GSTCD: variants seen among roughly 807,000 people sequenced by gnomAD.
The protein encoded by GSTCD is glutathione S-transferase C-terminal domain containing.
GSTCD carries 44 observed loss-of-function variants against 68.3 expected under a neutral mutation model. The observed-to-expected ratio is 0.64, with a 90% confidence interval of 0.51 to 0.83. GSTCD has a LOEUF of 0.83. GSTCD is among the 40% of genes least tolerant of loss of function. The pLI, the probability that GSTCD is intolerant of heterozygous loss-of-function variation, is 0.00. For missense variants in GSTCD, 739 were observed against 735.9 expected, an observed-to-expected ratio of 1.00 and a Z score of -0.05; for synonymous variants, 273 against 255.2, an observed-to-expected ratio of 1.07 and a Z score of -0.67.
At chr4:105,743,012 C>T (rs1224972637) in intron 5 of GSTCD, among the ~76,000 whole-genome samples, 3 of 146,960 alleles carry the variant, frequency 2.0e-5, no homozygotes, top group Admixed American at 1.4e-4. Context: ...TGCAGTGCCG[C>T]GATCTCAGCT....
intron 5 of GSTCD, among the ~76,000 whole-genome samples, chr4:105,799,606 T>A (rs553404972): frequency 6.6e-6 from 1 of 152,224 alleles, no homozygotes; most frequent in East Asian, 1.9e-4. Context: ...ATTTATTGAT[T>A]AAGTTTGTTG....
chr4:105,709,074 T>A (rs1487825702), intron 1 of GSTCD, 58 bp downstream of exon 1: 1 of 152,404 alleles, frequency 6.6e-6, no homozygotes, highest in East Asian at 1.9e-4. Flanking sequence ...TAAGAACTGG[T>A]CTTTTCTTCG....
chr4:105,822,976 T>C lies in GSTCD; in HGVS notation c.1263T>C (p.Ala421=). The change falls in exon 6 of 12, where the codon GCT becomes GCC. Residue 421 remains alanine, a synonymous_variant. Coordinates refer to ENST00000515279, the MANE Select transcript of GSTCD (RefSeq NM_001370181.1). ...CAGGTAAAATGTCCAGTGATCGAGC[T>C]TTGAGGAAGCAGCAACAGTTGAACA... ...PKEGKMSSDR[A]LRKQQQLNNL... The C allele has an allele frequency of 6.2e-7, 1 of 1,613,400 alleles. No individual in the cohort carries two copies. The highest frequency in any genetic ancestry group is 2.2e-5 in the East Asian group (1 of 44,864).
intron 8 of GSTCD, among the ~76,000 whole-genome samples, chr4:105,830,403 TA>T (rs1188662149): frequency 3.3e-5 from 5 of 151,760 alleles, no homozygotes; most frequent in Admixed American, 2.6e-4. Context: ...ATCAGTCTAG[TA>T]AAAAAAAGTA....
At chr4:105,719,002 TAAAG>T in intron 2 of GSTCD, 54 bp from the exon 3 acceptor site, 2 of 1,328,478 alleles carry the variant, frequency 1.5e-6, no homozygotes, top group Admixed American at 2.2e-5. Context: ...TTATTTTTTC[TAAAG>T]TTATATTGAA....
rs989405650 is a variant in GSTCD at position 105,743,094 on chromosome 4, C to T, written c.1240+13595C>T. Among the ~76,000 whole-genome samples the T allele has an allele frequency of 5.0e-4, 76 of 151,846 alleles. 1 individual carries two copies. The highest frequency in any genetic ancestry group is 1.5e-3 in the African/African-American group (62 of 41,428). On this transcript the variant is annotated intron_variant, in intron 5 of 11. Transcript: ENST00000515279. ...CCTCCCGAGTAGCTGGGACTACAGG[C>T]GCCCGCCACCACGCCTGGCTAATTT...
At chr4:105,838,083 G>T (rs1393511424) in intron 10 of GSTCD, among the ~76,000 whole-genome samples, 194 bp downstream of exon 10, 1 of 152,124 alleles carries the variant, frequency 6.6e-6, no homozygotes, top group East Asian at 1.9e-4. Flanking sequence ...ATTTGTGAAG[G>T]GTCTGAGATT....
intron 5 of GSTCD, among the ~76,000 whole-genome samples, chr4:105,776,169 C>T (rs1377127310): frequency 6.6e-6 from 1 of 152,172 alleles, no homozygotes; most frequent in Non-Finnish European, 1.5e-5. Context: ...CTACTCAAGC[C>T]TCGGTAATGG....
intron 11 of GSTCD, chr4:105,843,382 T>C (rs946383824): frequency 6.6e-6 from 1 of 152,224 alleles, no homozygotes; most frequent in Non-Finnish European, 1.5e-5. Flanking sequence ...CAAATACACA[T>C]TTGATGAGAC....
chr4:105,759,567 C>T (rs1000458566), intron 5 of GSTCD, among the ~76,000 whole-genome samples: 1 of 152,158 alleles, frequency 6.6e-6, no homozygotes, highest in Admixed American at 6.5e-5. Flanking sequence ...ATGTTTGTAA[C>T]TTTTATGCCT....
At chr4:105,742,757 C>A (rs1232135179) in intron 5 of GSTCD, among the ~76,000 whole-genome samples, 1 of 148,874 alleles carries the variant, frequency 6.7e-6, no homozygotes, top group African/African-American at 2.5e-5. Context: ...CTCTGTCACC[C>A]AGGCTGAAGT....
Position 105,717,734 on chromosome 4 carries a change from T to C in GSTCD, c.121T>C (p.Cys41Arg). ...TSVTLFLLSY[C>R]DCKIFKICLV... ...TGTAACTTTATTTCTGTTATCTTAC[T>C]GTGACTGTAAAATCTTTAAAATTTG... is the stretch of plus-strand genomic sequence containing the variant. The change falls in exon 2 of 12, where the codon TGT becomes CGT. Residue 41 changes from cysteine to arginine, a missense_variant. Transcript: ENST00000515279. 1.9e-6 allele frequency: 3 copies of C among 1,613,772 alleles called. No homozygotes were observed. The highest frequency in any genetic ancestry group is 2.2e-5 in the East Asian group (1 of 44,864).
chr4:105,816,397 G>T (rs1180434657), intron 5 of GSTCD, among the ~76,000 whole-genome samples: 7 of 152,060 alleles, frequency 4.6e-5, no homozygotes, highest in Non-Finnish European at 1.0e-4. Context: ...GTCCCAAGGT[G>T]GGGAAATGGT....
At chr4:105,814,084 C>T (rs547844603) in intron 5 of GSTCD, among the ~76,000 whole-genome samples, 26 of 152,216 alleles carry the variant, frequency 1.7e-4, no homozygotes, top group African/African-American at 2.9e-4. Flanking sequence ...ATTTCAGTTT[C>T]GGAAAAAATG....
chr4:105,764,224 T>A (rs1328114917), intron 5 of GSTCD, among the ~76,000 whole-genome samples: 1 of 152,148 alleles, frequency 6.6e-6, no homozygotes, highest in African/African-American at 2.4e-5. Context: ...AGAAAAAATA[T>A]TTATCAGAAA....
Position 105,824,755 on chromosome 4 carries a change from C to T in GSTCD, c.1402-917C>T, listed in dbSNP as rs559457879. 9.9e-5 allele frequency among the ~76,000 whole-genome samples: 15 copies of T among 152,214 alleles called. No homozygotes were observed. In the South Asian group the frequency reaches 3.1e-3, roughly 32 times the overall value. ...TCTGGTTTCAGTTTACCTCTCCAGC[C>T]TCATTTTCACCCTTTACACCCTGTC... On this transcript the variant is annotated intron_variant, in intron 7 of 11. Transcript: ENST00000515279.
intron 5 of GSTCD, chr4:105,815,063 A>T (rs1722919133): frequency 6.6e-6 from 1 of 152,240 alleles, no homozygotes; most frequent in Non-Finnish European, 1.5e-5. Flanking sequence ...ATGCTATTCA[A>T]TGATGCTAAT....
intron 5 of GSTCD, among the ~76,000 whole-genome samples, chr4:105,787,653 G>A (rs1185112808): frequency 1.3e-5 from 2 of 151,942 alleles, no homozygotes; most frequent in Admixed American, 1.3e-4. Flanking sequence ...CTCAGAGTCT[G>A]AGAATAAATT....
chr4:105,712,077 T>C (rs985917821), intron 1 of GSTCD, among the ~76,000 whole-genome samples: 9 of 152,252 alleles, frequency 5.9e-5, no homozygotes, highest in African/African-American at 2.2e-4. Flanking sequence ...ACTAAAGTTA[T>C]TAATAATACT....
Sources: allele counts gnomAD v4.1 joint callset (sites outside exome capture counted in the v4.1 genomes callset), GRCh38; gene constraint gnomAD v4.1.1; transcripts MANE v1.5; gene names NCBI Gene and HGNC (gene_info 2026-07-23, HGNC 2026-07-21).